The following CPE variants were observed in gnomAD, a reference collection of about 807,000 sequenced individuals.
CPE encodes carboxypeptidase E, also known as carbocypeptidase E.
A neutral mutation model predicts 53.5 loss-of-function variants in CPE; 17 were observed. That is an observed-to-expected ratio of 0.32 (90% CI 0.22 to 0.48). CPE has a LOEUF of 0.48. Ranked by LOEUF, CPE falls within the 20% of genes least tolerant of loss-of-function variation. The probability of loss-of-function intolerance (pLI) is 0.99; values close to 1 mark genes in which losing one functional copy is unlikely to be tolerated. For synonymous variants in CPE, 226 were observed against 228.8 expected (o/e 0.99, Z 0.11); for missense variants, 524 against 614.7 (o/e 0.85, Z 1.56).
At chr4:165,456,930 G>A (rs1731913043) in intron 1 of CPE, among the ~76,000 whole-genome samples, 1 of 151,794 alleles carries the variant, frequency 6.6e-6, no homozygotes, top group Admixed American at 6.6e-5. Context: ...TAGTAGAGAC[G>A]GAGTTTCACC....
intron 1 of CPE, among the ~76,000 whole-genome samples, chr4:165,383,971 G>A (rs578227286): frequency 1.3e-4 from 20 of 152,296 alleles, no homozygotes; most frequent in Middle Eastern, 3.4e-3. Context: ...GGAAGAGAAG[G>A]CAAGTTGGGC....
At chr4:165,420,298 A>G (rs1456604462) in intron 1 of CPE, among the ~76,000 whole-genome samples, 1 of 152,184 alleles carries the variant, frequency 6.6e-6, no homozygotes, top group Non-Finnish European at 1.5e-5. Context: ...TGTTTCTCAG[A>G]AAATTATAGC....
intron 7 of CPE, among the ~76,000 whole-genome samples, chr4:165,494,808 T>C (rs910402414): frequency 2.6e-5 from 4 of 152,210 alleles, no homozygotes; most frequent in African/African-American, 9.6e-5. Flanking sequence ...TTTTTGACTG[T>C]ACCTATTTTT....
intron 1 of CPE, among the ~76,000 whole-genome samples, chr4:165,399,894 C>T (rs1465260629): frequency 2.0e-5 from 3 of 151,878 alleles, no homozygotes; most frequent in African/African-American, 7.3e-5. Flanking sequence ...GAAACAGAAG[C>T]AATCATCAGT....
intron 4 of CPE, 90 bp from the exon 5 acceptor site, chr4:165,484,332 C>A (rs537641676): frequency 2.5e-6 from 3 of 1,178,870 alleles, no homozygotes; most frequent in African/African-American, 1.5e-5. Context: ...ATCAACAATA[C>A]AATTACTCAA....
At chr4:165,459,742 C>T (rs1368562348) in intron 1 of CPE, among the ~76,000 whole-genome samples, 1 of 145,098 alleles carries the variant, frequency 6.9e-6, no homozygotes, top group Non-Finnish European at 1.5e-5. Flanking sequence ...ATGGTGAAAC[C>T]CTGTCTGTAC....
At chr4:165,416,065 A>C (rs938895046) in intron 1 of CPE, among the ~76,000 whole-genome samples, 1 of 152,170 alleles carries the variant, frequency 6.6e-6, no homozygotes, top group Admixed American at 6.5e-5. Context: ...CAGACTACAC[A>C]AGGAATCTTC....
At chr4:165,450,729 A>G (rs1208280179) in intron 1 of CPE, among the ~76,000 whole-genome samples, 2 of 152,228 alleles carry the variant, frequency 1.3e-5, no homozygotes, top group Non-Finnish European at 2.9e-5. Flanking sequence ...ATCTAACATC[A>G]GATTTAATAC....
intron 6 of CPE, among the ~76,000 whole-genome samples, chr4:165,492,564 A>G (rs879718291): frequency 3.3e-5 from 5 of 152,154 alleles, no homozygotes; most frequent in Admixed American, 2.6e-4. Context: ...CTGAGTGAGC[A>G]ATTCCTGTCC....
intron 6 of CPE, among the ~76,000 whole-genome samples, chr4:165,488,115 T>C (rs1256966004): frequency 1.3e-5 from 2 of 152,226 alleles, no homozygotes; most frequent in Non-Finnish European, 2.9e-5. Context: ...CCAGGCATTA[T>C]ACTAAATGCC....
At chr4:165,471,615 G>A (rs1406901277) in intron 3 of CPE, among the ~76,000 whole-genome samples, 17 of 152,282 alleles carry the variant, frequency 1.1e-4, no homozygotes, top group African/African-American at 3.4e-4. Context: ...CAGATAAGAC[G>A]TTTTAAATGC....
At position 165,497,842 on chromosome 4, in the gene CPE, GTA is replaced by G. The variant is rs1382611936; in HGVS notation, c.*235_*236del. On this transcript the variant is annotated 3_prime_UTR_variant, in exon 9 of 9. Transcript: ENST00000402744. ...TTTCCTACCTATATTACACAAAAAA[GTA>G]TAGAAAAGATTTAAGTAATTTTGCC... The G allele has an allele frequency of 4.1e-6, 1 of 246,524 alleles. No homozygotes were observed. The highest frequency in any genetic ancestry group is 2.2e-5 in the African/African-American group (1 of 44,934). The allele number at this position is 246,524 out of a possible 1,614,324, so 15.3% of individuals were successfully genotyped here.
chr4:165,454,359 G>GA (rs34141576), intron 1 of CPE, among the ~76,000 whole-genome samples: 11 of 151,742 alleles, frequency 7.2e-5, no homozygotes, highest in African/African-American at 2.4e-4. Flanking sequence ...TGATGATGTT[G>GA]AAAAAAAATA....
chr4:165,469,504 A>C (rs1732166685), intron 3 of CPE, among the ~76,000 whole-genome samples: 1 of 151,958 alleles, frequency 6.6e-6, no homozygotes, highest in Non-Finnish European at 1.5e-5. Flanking sequence ...ATTTTCTAAC[A>C]ATTTTATGTC....
chr4:165,405,261 C>A, intron 1 of CPE: 1 of 916,228 alleles, frequency 1.1e-6, no homozygotes, highest in Non-Finnish European at 1.8e-6. Flanking sequence ...ATCCCTGCAC[C>A]AGGAATAGCC....
At chr4:165,434,778 G>C (rs925966381) in intron 1 of CPE, among the ~76,000 whole-genome samples, 1 of 152,092 alleles carries the variant, frequency 6.6e-6, no homozygotes, top group African/African-American at 2.4e-5. Context: ...CCATAGCTTG[G>C]TTTGTTTGAC....
intron 4 of CPE, among the ~76,000 whole-genome samples, chr4:165,482,721 G>A (rs1470297877): frequency 6.6e-6 from 1 of 152,152 alleles, no homozygotes; most frequent in Non-Finnish European, 1.5e-5. Context: ...AAACATGGGG[G>A]CAGCCTCTTG....
intron 1 of CPE, among the ~76,000 whole-genome samples, chr4:165,450,336 T>C (rs575384591): frequency 6.6e-6 from 1 of 152,186 alleles, no homozygotes; most frequent in African/African-American, 2.4e-5. Context: ...ATTTCATTAC[T>C]CTTCTTCATT....
intron 5 of CPE, among the ~76,000 whole-genome samples, chr4:165,486,199 GA>G (rs1732502217): frequency 2.2e-5 from 3 of 134,414 alleles, no homozygotes; most frequent in Non-Finnish European, 5.0e-5. Context: ...CAATTCTCTG[GA>G]AAAGGGGTGG....
Sources: allele counts gnomAD v4.1 joint callset (sites outside exome capture counted in the v4.1 genomes callset), GRCh38; gene constraint gnomAD v4.1.1; transcripts MANE v1.5; gene names NCBI Gene and HGNC (gene_info 2026-07-23, HGNC 2026-07-21).